The following NXPE2 variants were observed in gnomAD, a reference collection of about 807,000 sequenced individuals.
NXPE2 encodes NXPE family member 2.
In NXPE2, 34 loss-of-function variants were observed where a neutral mutation model predicts 34.4. The ratio of observed to expected loss-of-function variants is 0.99; its 90% CI spans 0.75 to 1.31. The LOEUF is 1.31. Among genes scored for constraint, NXPE2 ranks in the 40% most tolerant of loss-of-function variants. NXPE2 has a pLI of 0.00. For synonymous variants in NXPE2, 235 were observed against 231.3 expected (o/e 1.02, Z -0.15); for missense variants, 649 against 672.5 (o/e 0.97, Z 0.39).
the NXPE2 span, among the ~76,000 whole-genome samples, chr11:114,621,786 C>T: frequency 3.9e-5 from 6 of 151,908 alleles, no homozygotes; most frequent in Non-Finnish European, 5.9e-5. Flanking sequence ...ACCACTGTTA[C>T]CCACTGGATA....
At chr11:114,787,665 T>C in the NXPE2 span, among the ~76,000 whole-genome samples, 1 of 152,062 alleles carries the variant, frequency 6.6e-6, no homozygotes, top group African/African-American at 2.4e-5. Context: ...TTTCTAAAAA[T>C]CCTTTGAAAA....
chr11:114,744,187 T>A, the NXPE2 span, among the ~76,000 whole-genome samples: 1 of 152,162 alleles, frequency 6.6e-6, no homozygotes, highest in Non-Finnish European at 1.5e-5. Context: ...TCAGAGACTT[T>A]TTCTTCAAAG....
At chr11:114,582,375 T>A in the NXPE2 span, 1 of 1,614,154 alleles carries the variant, frequency 6.2e-7, no homozygotes, top group South Asian at 1.1e-5. Context: ...ACAGGGCATG[T>A]GTTGAGGCCT....
the NXPE2 span, among the ~76,000 whole-genome samples, chr11:114,749,352 A>G: frequency 6.6e-6 from 1 of 152,204 alleles, no homozygotes; most frequent in African/African-American, 2.4e-5. Context: ...AGCCCTCTGT[A>G]TCAGCAGGGA....
the NXPE2 span, among the ~76,000 whole-genome samples, chr11:114,768,853 A>G: frequency 6.6e-6 from 1 of 152,102 alleles, no homozygotes; most frequent in African/African-American, 2.4e-5. Flanking sequence ...AACCATAAAA[A>G]CCCTAGAAAA....
chr11:114,702,205 A>G (rs1300846884), intron 3 of NXPE2, among the ~76,000 whole-genome samples: 1 of 152,240 alleles, frequency 6.6e-6, no homozygotes, highest in African/African-American at 2.4e-5. Context: ...GTTAGTTTCT[A>G]TTATGGTCTA....
chr11:114,527,905 CAA>C, the NXPE2 span: 74 of 1,486,120 alleles, frequency 5.0e-5, no homozygotes, highest in African/African-American at 1.7e-4. Context: ...TTTGGACCTT[CAA>C]AAAAAAAATA....
At chr11:114,522,409 A>G in the NXPE2 span, 17 of 1,614,042 alleles carry the variant, frequency 1.1e-5, no homozygotes, top group Non-Finnish European at 1.4e-5. Flanking sequence ...AGGGATAGCT[A>G]TGTTTTTTCC....
chr11:114,670,936 A>G, the NXPE2 span, among the ~76,000 whole-genome samples: 1 of 151,654 alleles, frequency 6.6e-6, no homozygotes, highest in Non-Finnish European at 1.5e-5. Context: ...CAAGATAGCC[A>G]ATATAAATAT....
At chr11:114,557,634 C>CAT in the NXPE2 span, among the ~76,000 whole-genome samples, 2,164 of 127,950 alleles carry the variant, frequency 0.017, 27 homozygotes, top group Non-Finnish European at 0.025. Context: ...ATATATAATA[C>CAT]ATATATATAT....
the NXPE2 span, among the ~76,000 whole-genome samples, chr11:114,798,386 C>T: frequency 6.6e-6 from 1 of 151,980 alleles, no homozygotes; most frequent in African/African-American, 2.4e-5. Flanking sequence ...TTTCTTTTCT[C>T]CCTTCCCTTC....
At chr11:114,640,193 TTA>T in the NXPE2 span, among the ~76,000 whole-genome samples, 4 of 133,236 alleles carry the variant, frequency 3.0e-5, no homozygotes, top group Non-Finnish European at 4.6e-5. Context: ...TATATATAAT[TTA>T]TATATATTAT....
chr11:114,541,309 CAT>C, the NXPE2 span, among the ~76,000 whole-genome samples: 2 of 152,140 alleles, frequency 1.3e-5, no homozygotes, highest in African/African-American at 4.8e-5. Context: ...CCTGAGATAA[CAT>C]AGATGTTGGC....
At chr11:114,546,347 T>A in the NXPE2 span, among the ~76,000 whole-genome samples, 1 of 152,114 alleles carries the variant, frequency 6.6e-6, no homozygotes, top group Non-Finnish European at 1.5e-5. Flanking sequence ...TAGTGATAGA[T>A]GAGAGAAATA....
the NXPE2 span, among the ~76,000 whole-genome samples, chr11:114,624,586 A>G: frequency 6.9e-6 from 1 of 145,750 alleles, no homozygotes; most frequent in Non-Finnish European, 1.5e-5. Flanking sequence ...ACCACTGTTA[A>G]CTGGTGGATT....
chr11:114,571,189 G>T, the NXPE2 span: 1 of 1,613,992 alleles, frequency 6.2e-7, no homozygotes, highest in Non-Finnish European at 8.5e-7. Flanking sequence ...CTTCTCAGAA[G>T]AAGATGCTGA....
chr11:114,530,218 C>G, the NXPE2 span: 1 of 1,613,308 alleles, frequency 6.2e-7, no homozygotes, highest in Non-Finnish European at 8.5e-7. Flanking sequence ...TAAGATACCT[C>G]TCTATTCCGG....
At chr11:114,580,124 A>G in the NXPE2 span, 6 of 1,605,178 alleles carry the variant, frequency 3.7e-6, no homozygotes, top group Non-Finnish European at 5.1e-6. Context: ...GCTTAGACTG[A>G]GGCATACTGT....
the NXPE2 span, among the ~76,000 whole-genome samples, chr11:114,667,960 G>A: frequency 6.6e-6 from 1 of 151,826 alleles, no homozygotes; most frequent in Non-Finnish European, 1.5e-5. Flanking sequence ...ATACACAGAG[G>A]ATACAGAAAC....
Sources: gnomAD v4.1 joint callset for allele counts (sites outside exome capture counted in the v4.1 genomes callset) on GRCh38, gnomAD v4.1.1 for gene constraint, MANE v1.5 for transcripts, NCBI Gene and HGNC (gene_info 2026-07-23, HGNC 2026-07-21) for gene names.